SCAMP1: variants seen among roughly 807,000 people sequenced by gnomAD.
The protein encoded by SCAMP1 is secretory carrier membrane protein 1, also known as secretory carrier-associated membrane protein 1.
Under a neutral mutation model 41.8 loss-of-function variants are expected in SCAMP1, and 15 were observed. That is an observed-to-expected ratio of 0.36 (90% CI 0.24 to 0.55). The LOEUF is 0.55. SCAMP1 is among the 20% of genes least tolerant of loss of function. SCAMP1 has a pLI of 0.86. For missense variants in SCAMP1, 341 were observed against 412.6 expected (o/e 0.83, Z 1.50); for synonymous variants, 135 against 136.8 (o/e 0.99, Z 0.09).
Position 78,360,742 on chromosome 5 carries a change from C to G in SCAMP1, c.57+14C>G. 2 of 1,602,558 alleles carry G rather than the reference C, an allele frequency of 1.2e-6. No individual in the cohort carries two copies. Among genetic ancestry groups the G allele is most frequent in the South Asian group, 1.1e-5 (1 of 88,986 alleles). On this transcript the variant is annotated intron_variant, in intron 1 of 8. Coordinates refer to ENST00000621999, the MANE Select transcript of SCAMP1 (RefSeq NM_004866.6). ...AATCCCTTCAAGGTGAGCTTCGGCC[C>G]CAGCATCTCCTGCCGCCGCGACGCG...
chr5:78,441,777 G>C (rs1336597092), intron 6 of SCAMP1, among the ~76,000 whole-genome samples: 1 of 152,234 alleles, frequency 6.6e-6, no homozygotes, highest in African/African-American at 2.4e-5. Flanking sequence ...GCCAAGATCA[G>C]TGAGCCAAGA....
chr5:78,396,936 G>A (rs1430160250), intron 2 of SCAMP1, among the ~76,000 whole-genome samples: 3 of 152,182 alleles, frequency 2.0e-5, no homozygotes, highest in Non-Finnish European at 4.4e-5. Context: ...GGGAGCAAAT[G>A]CCTTACTAAA....
chr5:78,458,498 T>C (rs1383236305), intron 7 of SCAMP1, among the ~76,000 whole-genome samples: 1 of 152,252 alleles, frequency 6.6e-6, no homozygotes, highest in Admixed American at 6.5e-5. Flanking sequence ...CTTTGAAAGT[T>C]ATGTATATTC....
At chr5:78,449,869 G>A in intron 6 of SCAMP1, 64 bp from the exon 7 acceptor site, 4 of 836,874 alleles carry the variant, frequency 4.8e-6, no homozygotes, top group Non-Finnish European at 5.6e-6. Context: ...GAAAAATGAC[G>A]TTTTTCCCCT....
chr5:78,430,540 T>C (rs1039207879), intron 6 of SCAMP1, among the ~76,000 whole-genome samples: 16 of 151,726 alleles, frequency 1.1e-4, no homozygotes, highest in African/African-American at 3.9e-4. Context: ...AAACTCTTCA[T>C]GAGGAAAGGT....
chr5:78,402,344 G>A (rs773707208), intron 2 of SCAMP1, among the ~76,000 whole-genome samples: 28 of 151,954 alleles, frequency 1.8e-4, no homozygotes, highest in Non-Finnish European at 3.7e-4. Context: ...TCAACGGATG[G>A]TATTGTTGAA....
chr5:78,455,677 A>G (rs1753374794), intron 7 of SCAMP1, among the ~76,000 whole-genome samples: 1 of 134,378 alleles, frequency 7.4e-6, no homozygotes, highest in African/African-American at 2.9e-5. Context: ...TGGGGTGGAG[A>G]GTTCTGTAGA....
chr5:78,428,299 T>C lies in SCAMP1; in HGVS notation c.632+6339T>C, dbSNP rs78826662. Among the ~76,000 whole-genome samples the C allele has an allele frequency of 3.9e-3, 590 of 152,318 alleles. 4 individuals are homozygous for C. The highest frequency in any genetic ancestry group is 0.013 in the African/African-American group (548 of 41,586). Reference sequence around the variant, plus strand: ...GATATCCAAATATTCCTCCACTACTTGTTAGAAAGACTATATTTTGTAAAT... The same window carrying C: ...GATATCCAAATATTCCTCCACTACTCGTTAGAAAGACTATATTTTGTAAAT... On this transcript the variant is annotated intron_variant, in intron 6 of 8. Transcript: ENST00000621999.
intron 6 of SCAMP1, among the ~76,000 whole-genome samples, chr5:78,431,588 CT>C (rs1326281156): frequency 6.8e-6 from 1 of 147,482 alleles, no homozygotes; most frequent in Non-Finnish European, 1.5e-5. Context: ...GTCTTCTCCC[CT>C]ATTTCTTCAT....
intron 1 of SCAMP1, among the ~76,000 whole-genome samples, chr5:78,380,164 A>G (rs571095163): frequency 6.6e-6 from 1 of 152,326 alleles, no homozygotes; most frequent in Middle Eastern, 3.4e-3. Flanking sequence ...ACTCAGCTGC[A>G]TAGTACTTTA....
At position 78,360,632 on chromosome 5, in the gene SCAMP1, C is replaced by G. The variant is rs774554402; in HGVS notation, c.-40C>G. 1.9e-6 allele frequency: 3 copies of G among 1,585,852 alleles called. No homozygotes were observed. Among genetic ancestry groups the G allele is most frequent in the African/African-American group, 2.7e-5 (2 of 73,638 alleles). On this transcript the variant is annotated 5_prime_UTR_variant, in exon 1 of 9. Transcript: ENST00000621999. ...CGGCGGCCTCGCCTCGTCTCTCTCT[C>G]TGCGCCTGGGTCGGGTGGGTGACGC...
chr5:78,423,525 G>C (rs1407437773), intron 6 of SCAMP1, among the ~76,000 whole-genome samples: 1 of 152,172 alleles, frequency 6.6e-6, no homozygotes, highest in Admixed American at 6.5e-5. Context: ...GATGCTGGCT[G>C]GTGGGAGTGA....
chr5:78,454,579 T>G (rs890175462), intron 7 of SCAMP1, among the ~76,000 whole-genome samples: 7 of 152,088 alleles, frequency 4.6e-5, no homozygotes, highest in East Asian at 3.9e-4. Flanking sequence ...GCTGGATTCG[T>G]TTTGCCAGTA....
At chr5:78,460,236 T>C (rs923162797) in intron 8 of SCAMP1, among the ~76,000 whole-genome samples, 9 of 152,220 alleles carry the variant, frequency 5.9e-5, no homozygotes, top group African/African-American at 1.9e-4. Context: ...GTCTTTTTGA[T>C]AAAATGATTT....
At chr5:78,416,185 A>G (rs761241889) in intron 3 of SCAMP1, among the ~76,000 whole-genome samples, 7 of 152,032 alleles carry the variant, frequency 4.6e-5, no homozygotes, top group Non-Finnish European at 7.4e-5. Flanking sequence ...CCTTTTTTCT[A>G]TTGTTCATTT....
chr5:78,363,799 C>T (rs1021151476), intron 1 of SCAMP1, among the ~76,000 whole-genome samples: 5 of 152,030 alleles, frequency 3.3e-5, no homozygotes, highest in Admixed American at 1.3e-4. Context: ...AGGCTATTTG[C>T]TGGATTCAGT....
At position 78,419,027 on chromosome 5, in the gene SCAMP1, C is replaced by G. The variant is rs933460446; in HGVS notation, c.472+124C>G. 1.2e-5 allele frequency: 10 copies of G among 805,912 alleles called. No homozygotes were observed. In the Admixed American group the frequency reaches 2.7e-4, roughly 22 times the overall value. 49.9% of individuals were successfully genotyped at this position (805,912 alleles called of 1,614,324 possible). A position where few individuals can be genotyped will look rare whatever the true frequency, so the allele number is the denominator to read the frequency against. ...TTTTCTATAGATAAAGCTTAATAAT[C>G]ATGATTTCAGAGTGAAACATATCCT... On this transcript the variant is annotated intron_variant, in intron 5 of 8. Coordinates refer to ENST00000621999, the MANE Select transcript of SCAMP1 (RefSeq NM_004866.6).
intron 6 of SCAMP1, among the ~76,000 whole-genome samples, chr5:78,423,012 G>GCA (rs761345668): frequency 6.6e-6 from 1 of 150,814 alleles, no homozygotes; most frequent in Admixed American, 6.6e-5. Context: ...ACACACGCGC[G>GCA]CGCGCACACA....
chr5:78,413,826 T>A (rs1752142091), intron 2 of SCAMP1, among the ~76,000 whole-genome samples: 1 of 152,206 alleles, frequency 6.6e-6, no homozygotes, highest in South Asian at 2.1e-4. Flanking sequence ...CAGAGTAAAA[T>A]CCTGCTATAT....
Sources: allele counts gnomAD v4.1 joint callset (sites outside exome capture counted in the v4.1 genomes callset), GRCh38; gene constraint gnomAD v4.1.1; transcripts MANE v1.5; gene names NCBI Gene and HGNC (gene_info 2026-07-23, HGNC 2026-07-21).